Variants in TMOD1 observed in about 807,000 individuals in gnomAD.
TMOD1 encodes tropomodulin 1.
TMOD1 carries 17 observed loss-of-function variants against 40.6 expected under a neutral mutation model. The observed-to-expected ratio is 0.42, with a 90% CI of 0.29 to 0.63. The LOEUF (loss-of-function observed/expected upper bound fraction) is 0.63, where lower values mean the gene tolerates loss of function less well. Among genes scored for constraint, TMOD1 ranks in the 20% least tolerant of loss-of-function variants. The probability of loss-of-function intolerance (pLI) is 0.22; values close to 1 mark genes in which losing one functional copy is unlikely to be tolerated. For synonymous variants in TMOD1, 181 were observed against 175.0 expected (o/e 1.03, Z -0.27); for missense variants, 391 against 447.6 (o/e 0.87, Z 1.14).
intron 8 of TMOD1, among the ~76,000 whole-genome samples, chr9:97,586,342 TGAG>T (rs1246889933): frequency 1.3e-5 from 2 of 152,118 alleles, no homozygotes; most frequent in Admixed American, 6.5e-5. Flanking sequence ...GGGACCCACT[TGAG>T]GAGGCAGTCT....
At chr9:97,509,448 A>T (rs973024919) in intron 1 of TMOD1, among the ~76,000 whole-genome samples, 8 of 148,538 alleles carry the variant, frequency 5.4e-5, no homozygotes, top group African/African-American at 2.0e-4. Flanking sequence ...TCAATGTCTT[A>T]TTGAATTTTT....
At chr9:97,567,349 A>T (rs1830743671) in intron 7 of TMOD1, among the ~76,000 whole-genome samples, 1 of 152,204 alleles carries the variant, frequency 6.6e-6, no homozygotes, top group Non-Finnish European at 1.5e-5. Flanking sequence ...ATATCAGCCT[A>T]TGCACACCAG....
At chr9:97,575,029 G>T (rs2480721) in intron 8 of TMOD1, among the ~76,000 whole-genome samples, 1 of 152,026 alleles carries the variant, frequency 6.6e-6, no homozygotes, top group African/African-American at 2.4e-5. Context: ...CAGGCTGCCG[G>T]ATAACGCAGT....
chr9:97,505,819 C>G (rs567281622), intron 1 of TMOD1, among the ~76,000 whole-genome samples: 1 of 152,252 alleles, frequency 6.6e-6, no homozygotes, highest in East Asian at 1.9e-4. Context: ...ACATCCAGTA[C>G]CCCAGTAAGG....
chr9:97,562,615 A>G (rs1401862657), intron 4 of TMOD1, 117 bp from the exon 5 acceptor site: 1 of 665,890 alleles, frequency 1.5e-6, no homozygotes, highest in East Asian at 3.0e-5. Context: ...TGAAGTTTTC[A>G]TGCAAGTGTT....
At chr9:97,544,090 C>T (rs898087631) in intron 2 of TMOD1, among the ~76,000 whole-genome samples, 4 of 152,216 alleles carry the variant, frequency 2.6e-5, no homozygotes, top group East Asian at 3.8e-4. Flanking sequence ...CTGCCAAGCC[C>T]ATTATCTGTC....
chr9:97,515,684 G>C (rs1423480266), intron 1 of TMOD1, among the ~76,000 whole-genome samples: 1 of 152,102 alleles, frequency 6.6e-6, no homozygotes, highest in African/African-American at 2.4e-5. Flanking sequence ...GTCCTGCCTG[G>C]GTGCATCTTT....
At chr9:97,521,182 G>C (rs1490305992) in intron 1 of TMOD1, among the ~76,000 whole-genome samples, 1 of 152,190 alleles carries the variant, frequency 6.6e-6, no homozygotes, top group Admixed American at 6.5e-5. Flanking sequence ...GGTTTTGTGA[G>C]ATTCCATTTC....
intron 2 of TMOD1, among the ~76,000 whole-genome samples, chr9:97,541,765 C>T (rs1830279478): frequency 6.6e-6 from 1 of 152,192 alleles, no homozygotes; most frequent in Non-Finnish European, 1.5e-5. Context: ...ACCCACCCAC[C>T]TTGGCCTCCC....
chr9:97,600,683 G>A lies in TMOD1; in HGVS notation c.*985G>A, dbSNP rs1826237626. 1.4e-5 allele frequency: 14 copies of A among 998,888 alleles called. No homozygotes were observed. The highest frequency in any genetic ancestry group is 1.4e-5 in the Non-Finnish European group (12 of 838,326). The allele number at this position is 998,888 out of a possible 1,614,324, so 61.9% of individuals were successfully genotyped here. A position where few individuals can be genotyped will look rare whatever the true frequency, so the allele number is the denominator to read the frequency against. On this transcript the variant is annotated 3_prime_UTR_variant, in exon 10 of 10. Coordinates refer to ENST00000259365, the MANE Select transcript of TMOD1 (RefSeq NM_003275.4). Reference sequence around the variant, plus strand: ...ACAAATTGCTGCTGACCTTACGCCTGTATATTAAGCCTCCGCAGGATGCCG... The same window carrying A: ...ACAAATTGCTGCTGACCTTACGCCTATATATTAAGCCTCCGCAGGATGCCG...
At chr9:97,510,427 C>T (rs1829676984) in intron 1 of TMOD1, among the ~76,000 whole-genome samples, 1 of 152,172 alleles carries the variant, frequency 6.6e-6, no homozygotes, top group African/African-American at 2.4e-5. Context: ...GATGGGGTTT[C>T]ACCATGTTGG....
chr9:97,517,148 G>A (rs531155541), intron 1 of TMOD1, among the ~76,000 whole-genome samples: 15 of 151,826 alleles, frequency 9.9e-5, no homozygotes, highest in Non-Finnish European at 2.1e-4. Context: ...GGGGTTCAAG[G>A]CCAGCCTGGG....
At chr9:97,508,057 TCACACACACACACACACACACACA>T (rs56669574) in intron 1 of TMOD1, among the ~76,000 whole-genome samples, 9 of 132,074 alleles carry the variant, frequency 6.8e-5, no homozygotes, top group Non-Finnish European at 1.2e-4. Context: ...TCTTCCTGAT[TCACACACACACACACACACACACA>T]CACACACACA....
chr9:97,589,571 G>A (rs1360584936), intron 8 of TMOD1, among the ~76,000 whole-genome samples: 1 of 152,000 alleles, frequency 6.6e-6, no homozygotes, highest in Non-Finnish European at 1.5e-5. Context: ...GAGCCACTGT[G>A]CCCGGCCGGA....
intron 2 of TMOD1, among the ~76,000 whole-genome samples, chr9:97,532,931 G>C (rs752503929): frequency 6.6e-6 from 1 of 152,196 alleles, no homozygotes; most frequent in African/African-American, 2.4e-5. Flanking sequence ...GTAACTGACC[G>C]TGGCCTCTGT....
In TMOD1 at chr9:97,502,877, G is replaced by A. The variant is rs1345954058; in HGVS notation, c.-49+1074G>A. Among the ~76,000 whole-genome samples, 4 of 152,162 alleles carry A rather than the reference G, an allele frequency of 2.6e-5. No homozygotes were observed. The highest frequency in any genetic ancestry group is 6.5e-5 in the Admixed American group (1 of 15,278). ...GTGGTTCCAGTACAGCCGCTCCCTG[G>A]CCACAGTTTCCCGGTCTATATCGGG... On this transcript the variant is annotated intron_variant, in intron 1 of 9. Coordinates refer to ENST00000259365, the MANE Select transcript of TMOD1 (RefSeq NM_003275.4). This position sits in a 1 kb window ranked among gnomAD's most constrained non-coding sequence, Gnocchi z 6.1.
chr9:97,542,297 T>G (rs959457368), intron 2 of TMOD1, among the ~76,000 whole-genome samples: 3 of 152,220 alleles, frequency 2.0e-5, no homozygotes, highest in African/African-American at 7.2e-5. Context: ...AAACAAACTT[T>G]AACCTCTAAT....
chr9:97,523,427 A>G (rs1241453932), intron 1 of TMOD1, among the ~76,000 whole-genome samples: 2 of 152,184 alleles, frequency 1.3e-5, no homozygotes, highest in African/African-American at 4.8e-5. Context: ...TGGCCACGCC[A>G]TTGGGTGACT....
intron 2 of TMOD1, among the ~76,000 whole-genome samples, chr9:97,524,873 A>T (rs1396313910): frequency 1.4e-4 from 3 of 20,856 alleles, no homozygotes; most frequent in South Asian, 9.3e-4. Context: ...CCGCCATATC[A>T]GGGGGAATAA....
Sources: gnomAD v4.1 joint callset for allele counts (sites outside exome capture counted in the v4.1 genomes callset) on GRCh38, gnomAD v4.1.1 for gene constraint, Gnocchi (gnomAD v3.1) non-coding constraint, MANE v1.5 for transcripts, NCBI Gene and HGNC (gene_info 2026-07-23, HGNC 2026-07-21) for gene names.